The following ELAPOR1 variants were observed in gnomAD, a reference collection of about 807,000 sequenced individuals.
ELAPOR1 encodes endosome/lysosome-associated apoptosis and autophagy regulator 1.
Under a neutral mutation model 119.7 loss-of-function variants are expected in ELAPOR1, and 77 were observed. That is an observed-to-expected ratio of 0.64 (90% CI 0.54 to 0.78). The LOEUF is 0.78. ELAPOR1 is among the 30% of genes least tolerant of loss of function. The probability of loss-of-function intolerance (pLI) is 0.00; values close to 1 mark genes in which losing one functional copy is unlikely to be tolerated. For synonymous variants in ELAPOR1, 481 were observed against 487.2 expected (o/e 0.99, Z 0.17); for missense variants, 1,115 against 1,270.4 (o/e 0.88, Z 1.86).
intron 7 of ELAPOR1, among the ~76,000 whole-genome samples, chr1:109,174,412 C>CT (rs1337245066): frequency 6.7e-3 from 86 of 12,910 alleles, no homozygotes; most frequent in African/African-American, 0.014. Flanking sequence ...GACCCTGTCT[C>CT]TAAAAAAAAA....
rs1334640428 is a variant in ELAPOR1, at chr1:109,205,670, C to T, written c.*2658C>T. On this transcript the variant is annotated 3_prime_UTR_variant, in exon 22 of 22. Transcript: ENST00000369939. Reference sequence around the variant, plus strand: ...CTTTTGTGACAAAGGCCACAGACAGCCCTTAGACTATTCCGGAAACAGTAG... The same window carrying T: ...CTTTTGTGACAAAGGCCACAGACAGTCCTTAGACTATTCCGGAAACAGTAG... 1 of 152,168 alleles carries T rather than the reference C, an allele frequency of 6.6e-6. No homozygotes were observed. Among genetic ancestry groups the T allele is most frequent in the African/African-American group, 2.4e-5 (1 of 41,434 alleles). The allele number at this position is 152,168 out of a possible 1,614,324, so 9.4% of individuals were successfully genotyped here.
chr1:109,122,169 A>G (rs1648469640), intron 1 of ELAPOR1, among the ~76,000 whole-genome samples: 1 of 150,844 alleles, frequency 6.6e-6, no homozygotes, highest in Non-Finnish European at 1.5e-5. Flanking sequence ...TGTCGGGTTC[A>G]AGCGATTCCC....
intron 9 of ELAPOR1, among the ~76,000 whole-genome samples, chr1:109,188,736 T>G (rs1653232833): frequency 6.6e-6 from 1 of 152,210 alleles, no homozygotes; most frequent in South Asian, 2.1e-4. Context: ...TTTGAGTACC[T>G]GTTAAAATGA....
At chr1:109,151,435 C>G (rs1226241476) in intron 1 of ELAPOR1, among the ~76,000 whole-genome samples, 1 of 152,140 alleles carries the variant, frequency 6.6e-6, no homozygotes. Flanking sequence ...CAATGGGACA[C>G]AGTGAGGTCG....
intron 1 of ELAPOR1, among the ~76,000 whole-genome samples, chr1:109,128,599 A>C (rs2100975470): frequency 6.6e-6 from 1 of 152,322 alleles, no homozygotes; most frequent in South Asian, 2.1e-4. Flanking sequence ...ATGGGCGCTT[A>C]TCTTCAGGTA....
chr1:109,176,763 T>G (rs1247429738), intron 7 of ELAPOR1, among the ~76,000 whole-genome samples: 1 of 140,532 alleles, frequency 7.1e-6, no homozygotes, highest in African/African-American at 2.7e-5. Context: ...CCTTCCGCAG[T>G]GTTTGTGTCC....
chr1:109,152,129 C>A (rs1262307733), intron 1 of ELAPOR1, among the ~76,000 whole-genome samples: 1 of 152,210 alleles, frequency 6.6e-6, no homozygotes, highest in Non-Finnish European at 1.5e-5. Context: ...CTGCCCTGGC[C>A]TCCCAAAGTG....
At chr1:109,185,337 CAG>C (rs1652981304) in intron 8 of ELAPOR1, among the ~76,000 whole-genome samples, 1 of 152,094 alleles carries the variant, frequency 6.6e-6, no homozygotes, top group African/African-American at 2.4e-5. Flanking sequence ...ACTGTTTTTG[CAG>C]CGTTTGTTTC....
intron 7 of ELAPOR1, among the ~76,000 whole-genome samples, chr1:109,177,525 T>C (rs1652421619): frequency 7.3e-6 from 1 of 137,286 alleles, no homozygotes; most frequent in Admixed American, 7.2e-5. Flanking sequence ...CGCTCCTCAC[T>C]TCCCAGACGG....
intron 1 of ELAPOR1, among the ~76,000 whole-genome samples, chr1:109,115,846 G>C (rs1464670139): frequency 6.6e-6 from 1 of 152,144 alleles, no homozygotes; most frequent in African/African-American, 2.4e-5. Flanking sequence ...TTTCCACCTA[G>C]CCGCATTATG....
chr1:109,189,906 C>T (rs1653323571), intron 11 of ELAPOR1, among the ~76,000 whole-genome samples: 1 of 152,124 alleles, frequency 6.6e-6, no homozygotes, highest in Non-Finnish European at 1.5e-5. Context: ...TCCCGTATAG[C>T]TTCTCCCAGC....
At chr1:109,136,627 A>G (rs572538354) in intron 1 of ELAPOR1, among the ~76,000 whole-genome samples, 3 of 152,336 alleles carry the variant, frequency 2.0e-5, no homozygotes, top group South Asian at 2.1e-4. Flanking sequence ...GAGGACTTCC[A>G]GTTTTTAATC....
At chr1:109,174,677 G>T (rs1652152825) in intron 7 of ELAPOR1, among the ~76,000 whole-genome samples, 1 of 151,806 alleles carries the variant, frequency 6.6e-6, no homozygotes, top group South Asian at 2.1e-4. Flanking sequence ...AGAAAAAGCA[G>T]CTCAGAGCTA....
intron 7 of ELAPOR1, among the ~76,000 whole-genome samples, chr1:109,177,317 G>A (rs1401355579): frequency 3.1e-5 from 4 of 128,966 alleles, no homozygotes; most frequent in East Asian, 2.5e-4. Flanking sequence ...GCTGCTGGGC[G>A]GAGGGGCTCC....
chr1:109,197,139 GAA>G (rs35880289), intron 15 of ELAPOR1, among the ~76,000 whole-genome samples: 214 of 132,664 alleles, frequency 1.6e-3, no homozygotes, highest in East Asian at 9.2e-3. Flanking sequence ...CTATCTTTAC[GAA>G]AAAAAAAAAA....
At chr1:109,137,576 G>A (rs948945842) in intron 1 of ELAPOR1, among the ~76,000 whole-genome samples, 2 of 151,640 alleles carry the variant, frequency 1.3e-5, no homozygotes, top group Admixed American at 6.6e-5. Context: ...TGCCCAGGCT[G>A]GAGTGCAATG....
chr1:109,185,090 A>C lies in ELAPOR1; in HGVS notation c.998A>C (p.Lys333Thr), dbSNP rs566269816. The C allele has an allele frequency of 6.2e-7, 1 of 1,614,168 alleles. No homozygotes were observed. The highest frequency in any genetic ancestry group is 1.1e-5 in the South Asian group (1 of 91,082). The change falls in exon 8 of 22, where the codon AAA (lysine) becomes ACA (threonine). Residue 333 changes from lysine (K) to threonine (T), a missense_variant. Transcript: ENST00000369939. ...AACGTGCGCCCAGCTTGCACAGACA[A>C]AGATTATTTCTACACACACACGGCC... Reference protein sequence around the residue: ...SCNVRPACTDKDYFYTHTACD... With the variant: ...SCNVRPACTDTDYFYTHTACD...
Position 109,203,471 on chromosome 1 carries a change from AT to A in ELAPOR1, c.*460del, listed in dbSNP as rs1027399882. The A allele has an allele frequency of 3.2e-5, 5 of 157,174 alleles. No homozygotes were observed. In the Admixed American group the frequency reaches 3.3e-4, roughly 10 times the overall value. 9.7% of individuals were successfully genotyped at this position (157,174 alleles called of 1,614,324 possible). On this transcript the variant is annotated 3_prime_UTR_variant, in exon 22 of 22. Transcript: ENST00000369939. ...GGAGGGTGTCGGGGTTCCCTGGTGGATAATCTTCATAGCAGCCTGGATCCAT... is the reference window on the plus strand; with the variant it reads ...GGAGGGTGTCGGGGTTCCCTGGTGGAAATCTTCATAGCAGCCTGGATCCAT...
At chr1:109,164,725 C>A (rs750251022) in intron 3 of ELAPOR1, 34 bp downstream of exon 3, 4 of 1,576,948 alleles carry the variant, frequency 2.5e-6, no homozygotes. Flanking sequence ...CCACCCCCAG[C>A]CCACTGGGTA....
Sources: allele counts gnomAD v4.1 joint callset (sites outside exome capture counted in the v4.1 genomes callset), GRCh38; gene constraint gnomAD v4.1.1; transcripts MANE v1.5; gene names NCBI Gene and HGNC (gene_info 2026-07-23, HGNC 2026-07-21).